The following FAM91A1 variants were observed in gnomAD, a reference collection of about 807,000 sequenced individuals.
FAM91A1 encodes family with sequence similarity 91 member A1, also known as protein FAM91A1.
In FAM91A1, 41 loss-of-function variants were observed where a neutral mutation model predicts 113.5. The observed-to-expected ratio is 0.36, with a 90% CI of 0.28 to 0.47. The LOEUF is 0.47. Ranked by LOEUF, FAM91A1 falls within the 20% of genes least tolerant of loss-of-function variation. The probability of loss-of-function intolerance (pLI) is 1.00; values close to 1 mark genes in which losing one functional copy is unlikely to be tolerated. For missense variants in FAM91A1, 696 were observed against 1,001.2 expected (o/e 0.70, Z 4.11); for synonymous variants, 307 against 347.9 (o/e 0.88, Z 1.31).
At chr8:123,781,628 C>T (rs778059225) in intron 8 of FAM91A1, among the ~76,000 whole-genome samples, 20 of 152,050 alleles carry the variant, frequency 1.3e-4, no homozygotes, top group Non-Finnish European at 2.5e-4. Context: ...TAGGCACCCA[C>T]CATCACGTCT....
At chr8:123,812,417 T>C in intron 23 of FAM91A1, 102 bp from the exon 24 acceptor site, 2 of 1,033,864 alleles carry the variant, frequency 1.9e-6, no homozygotes, top group East Asian at 2.5e-5. Context: ...TTGCAATCCA[T>C]AAACACTTCT....
intron 18 of FAM91A1, among the ~76,000 whole-genome samples, chr8:123,802,311 A>G (rs1815706255): frequency 6.6e-6 from 1 of 152,230 alleles, no homozygotes; most frequent in African/African-American, 2.4e-5. Flanking sequence ...TATACAATTA[A>G]TAGAATTGAT....
At chr8:123,770,617 T>C (rs912531203) in intron 1 of FAM91A1, among the ~76,000 whole-genome samples, 3 of 152,216 alleles carry the variant, frequency 2.0e-5, no homozygotes, top group African/African-American at 7.2e-5. Context: ...TTTTCTCTAC[T>C]CTTTTCATCA....
intron 18 of FAM91A1, among the ~76,000 whole-genome samples, chr8:123,803,336 G>A (rs1035790365): frequency 3.9e-5 from 6 of 151,966 alleles, no homozygotes; most frequent in Non-Finnish European, 2.9e-5. Flanking sequence ...TTGAGACACG[G>A]TCTCACTCTG....
At chr8:123,808,164 C>G in intron 20 of FAM91A1, 108 bp from the exon 21 acceptor site, 1 of 849,188 alleles carries the variant, frequency 1.2e-6, no homozygotes, top group East Asian at 2.7e-5. Context: ...CATTTTCTTT[C>G]TGTCATCATT....
chr8:123,790,186 A>T (rs1237595605), intron 15 of FAM91A1, among the ~76,000 whole-genome samples: 1 of 152,266 alleles, frequency 6.6e-6, no homozygotes, highest in East Asian at 1.9e-4. Context: ...TTTTACTTTT[A>T]AAAAGGAAAT....
intron 23 of FAM91A1, among the ~76,000 whole-genome samples, 178 bp from the exon 24 acceptor site, chr8:123,812,341 C>T (rs2060112): frequency 0.22 from 34,175 of 152,078 alleles, 4,854 homozygotes; most frequent in African/African-American, 0.4. Context: ...CATTTTTGCA[C>T]ATATTAATAC....
intron 14 of FAM91A1, among the ~76,000 whole-genome samples, chr8:123,789,107 G>A (rs1815322688): frequency 6.6e-6 from 1 of 152,126 alleles, no homozygotes; most frequent in Non-Finnish European, 1.5e-5. Context: ...TTATCTCCTA[G>A]GGAGGTCATA....
Position 123,798,096 on chromosome 8 carries a change from C to T in FAM91A1, c.1418C>T (p.Pro473Leu), listed in dbSNP as rs1370167679. 2 of 1,611,638 alleles carry T rather than the reference C, an allele frequency of 1.2e-6. No homozygotes were observed. The highest frequency in any genetic ancestry group is 2.2e-5 in the South Asian group (2 of 90,838). Reference protein sequence around the residue: ...AQPDQPNYGFPLDLLRCESLL... With the variant: ...AQPDQPNYGFLLDLLRCESLL... The stretch of plus-strand genomic sequence containing the variant: ...GTGCTTGATCATAACTCAGGTTTTC[C>T]TCTGGATCTCTTACGCTGTGAAAGC... Residue 473 changes from proline to leucine, a missense_variant, in exon 16 of 24, where the codon CCT (proline) becomes CTT (leucine). By Grantham distance (98) the Pro-to-Leu change is moderately conservative (BLOSUM62 -3). Transcript: ENST00000334705.
At position 123,775,702 on chromosome 8, in the gene FAM91A1, C is replaced by CAGA. The variant is rs1362112723; in HGVS notation, c.309+405_309+406insGAA. Among the ~76,000 whole-genome samples the CAGA allele has an allele frequency of 2.6e-5, 4 of 152,252 alleles. No homozygotes were observed. The East Asian group carries it at 7.7e-4, about 29-fold the overall frequency. On this transcript the variant is annotated intron_variant, in intron 3 of 23. Transcript: ENST00000334705. ...TGTATTTAGGCTGGGAGCAGTGGTTCACGCCTGTAATCCCAGCACTTTGGG... is the reference window on the plus strand; with the variant it reads ...TGTATTTAGGCTGGGAGCAGTGGTTCAGAACGCCTGTAATCCCAGCACTTTGGG...
At chr8:123,792,987 C>A (rs1362483509) in intron 15 of FAM91A1, among the ~76,000 whole-genome samples, 1 of 152,168 alleles carries the variant, frequency 6.6e-6, no homozygotes, top group Non-Finnish European at 1.5e-5. Flanking sequence ...AAGCTTCTCT[C>A]CTTCTTCCAG....
At chr8:123,773,272 G>T (rs190130818) in intron 1 of FAM91A1, among the ~76,000 whole-genome samples, 1 of 152,332 alleles carries the variant, frequency 6.6e-6, no homozygotes, top group Admixed American at 6.5e-5. Flanking sequence ...GAAATACGAT[G>T]AACTAAATCC....
At chr8:123,806,755 A>C (rs1041328770) in intron 20 of FAM91A1, among the ~76,000 whole-genome samples, 1 of 151,884 alleles carries the variant, frequency 6.6e-6, no homozygotes, top group African/African-American at 2.4e-5. Context: ...ATTCTCTGTG[A>C]CTGCTCTTCT....
At position 123,810,266 on chromosome 8, in the gene FAM91A1, C is replaced by A. The variant is rs771074654; in HGVS notation, c.2262-16C>A. 5.1e-6 allele frequency: 8 copies of A among 1,582,196 alleles called. No individual in the cohort carries two copies. The Admixed American group carries it at 1.5e-4, about 30-fold the overall frequency. ...TATGTTTGTTTTAAACTGTTTCTCG[C>A]CTTTTTTTTTTTCAGCCTTCAAAAC... On this transcript the variant is annotated splice_polypyrimidine_tract_variant and intron_variant, in intron 22 of 23. Coordinates refer to ENST00000334705, the MANE Select transcript of FAM91A1 (RefSeq NM_144963.4).
chr8:123,778,790 T>A lies in FAM91A1; in HGVS notation c.549+18T>A, dbSNP rs1160336940. On this transcript the variant is annotated intron_variant, in intron 6 of 23. Transcript: ENST00000334705. Reference sequence around the variant, plus strand: ...ACATCAAGGTAGAAATCTTTAAAAGTTAAACATAGAATTTTTATTTTTTAG... The same window carrying A: ...ACATCAAGGTAGAAATCTTTAAAAGATAAACATAGAATTTTTATTTTTTAG... 7.1e-7 allele frequency: 1 copy of A among 1,402,312 alleles called. No homozygotes were observed. Among genetic ancestry groups the A allele is most frequent in the Admixed American group, 2.6e-5 (1 of 38,942 alleles). The allele number at this position is 1,402,312 out of a possible 1,614,324, so 86.9% of individuals were successfully genotyped here.
rs1162510582 is a variant in FAM91A1, at chr8:123,784,533, A to G, written c.767A>G (p.Tyr256Cys). 5 of 1,607,934 alleles carry G rather than the reference A, an allele frequency of 3.1e-6. No individual in the cohort carries two copies. The highest frequency in any genetic ancestry group is 1.3e-5 in the African/African-American group (1 of 74,742). The change falls in exon 9 of 24, where the codon TAT (tyrosine) becomes TGT (cysteine). Residue 256 changes from tyrosine (Y) to cysteine (C), a missense_variant. By Grantham distance (194) the Tyr-to-Cys change is radical. Transcript: ENST00000334705. ...GGTGATTATTTTGAAACTCTACTCT[A>G]TAAGATATTTGTTTCAATAGATGAG... Reference protein sequence around the residue: ...VQGDYFETLLYKIFVSIDEHT... With the variant: ...VQGDYFETLLCKIFVSIDEHT...
In FAM91A1 at chr8:123,778,103, A is replaced by G. The variant is rs770138743; in HGVS notation, c.435+11A>G. The stretch of plus-strand genomic sequence containing the variant: ...TGTAGATCATCAAAAGTAAGTTAGT[A>G]CTTTCTTTTTCATTGTTTTGGCCTC... On this transcript the variant is annotated intron_variant, in intron 5 of 23. Coordinates refer to ENST00000334705, the MANE Select transcript of FAM91A1 (RefSeq NM_144963.4). 34 of 1,599,476 alleles carry G rather than the reference A, an allele frequency of 2.1e-5. 1 individual carries two copies. In the South Asian group the frequency reaches 3.8e-4, roughly 18 times the overall value.
At chr8:123,795,051 C>T (rs1369592030) in intron 15 of FAM91A1, among the ~76,000 whole-genome samples, 1 of 152,150 alleles carries the variant, frequency 6.6e-6, no homozygotes, top group Non-Finnish European at 1.5e-5. Flanking sequence ...ATAAGAAAGG[C>T]ATACCTATAG....
chr8:123,808,238 AAT>A (rs1815859118), intron 20 of FAM91A1, 32 bp from the exon 21 acceptor site: 4 of 1,559,284 alleles, frequency 2.6e-6, no homozygotes, highest in Non-Finnish European at 3.5e-6. Context: ...TAACTGCTAG[AAT>A]CCTAATATTG....
Sources: allele counts gnomAD v4.1 joint callset (sites outside exome capture counted in the v4.1 genomes callset), GRCh38; gene constraint gnomAD v4.1.1; transcripts MANE v1.5; gene names NCBI Gene and HGNC (gene_info 2026-07-23, HGNC 2026-07-21).